The following ADAMTS17 variants were observed in gnomAD, a reference collection of about 807,000 sequenced individuals.
ADAMTS17 encodes the protein A disintegrin and metalloproteinase with thrombospondin motifs 17.
A neutral mutation model predicts 141.5 loss-of-function variants in ADAMTS17; 113 were observed. The ratio of observed to expected loss-of-function variants is 0.80; its 90% CI spans 0.69 to 0.93. The LOEUF (loss-of-function observed/expected upper bound fraction) is 0.93, where lower values mean the gene tolerates loss of function less well. Among genes scored for constraint, ADAMTS17 ranks in the 40% least tolerant of loss-of-function variants. ADAMTS17 has a pLI of 0.00. For missense variants in ADAMTS17, 1,659 were observed against 1,517.9 expected (o/e 1.09, Z -1.54); for synonymous variants, 768 against 630.6 (o/e 1.22, Z -3.27).
At position 99,971,644 on chromosome 15, in the gene ADAMTS17, T is replaced by A. The variant is rs2060206254; in HGVS notation, c.*2758A>T. The A allele has an allele frequency of 1.3e-5, 2 of 152,190 alleles. No homozygotes were observed. The highest frequency in any genetic ancestry group is 2.4e-5 in the African/African-American group (1 of 41,440). The allele number at this position is 152,190 out of a possible 1,614,324, so 9.4% of individuals were successfully genotyped here. On this transcript the variant is annotated 3_prime_UTR_variant, in exon 22 of 22. Transcript: ENST00000268070. The stretch of plus-strand genomic sequence containing the variant: ...AATGGAAAATAGATACATTTGACTC[T>A]GAAACGAAAAAAGGACAATCGTATT...
intron 8 of ADAMTS17, among the ~76,000 whole-genome samples, chr15:100,198,782 G>T (rs577280260): frequency 6.6e-6 from 1 of 152,122 alleles, no homozygotes; most frequent in Non-Finnish European, 1.5e-5. Flanking sequence ...AGGTTGCCTC[G>T]GACTCTCCTT....
intron 2 of ADAMTS17, among the ~76,000 whole-genome samples, chr15:100,332,594 C>G (rs967099614): frequency 6.6e-6 from 1 of 152,166 alleles, no homozygotes; most frequent in African/African-American, 2.4e-5. Context: ...TCACAAACCC[C>G]GGCATAAAAA....
chr15:100,207,096 G>A (rs1390679146), intron 7 of ADAMTS17, among the ~76,000 whole-genome samples: 1 of 152,210 alleles, frequency 6.6e-6, no homozygotes, highest in Non-Finnish European at 1.5e-5. Flanking sequence ...TGGAGACAGG[G>A]CCTTCAGGGA....
intron 15 of ADAMTS17, among the ~76,000 whole-genome samples, chr15:100,073,147 C>A (rs34579038): frequency 0.041 from 6,241 of 152,094 alleles, 433 homozygotes; most frequent in African/African-American, 0.14. Context: ...ATGCAGCCAA[C>A]AGACACGTGA....
chr15:100,309,821 T>C (rs2045346413), intron 3 of ADAMTS17, among the ~76,000 whole-genome samples: 1 of 152,188 alleles, frequency 6.6e-6, no homozygotes, highest in African/African-American at 2.4e-5. Context: ...AAGCCTGTTC[T>C]GGGCACTCTC....
intron 8 of ADAMTS17, among the ~76,000 whole-genome samples, chr15:100,162,412 GTATA>G (rs927329741): frequency 1.4e-5 from 2 of 143,636 alleles, no homozygotes; most frequent in African/African-American, 5.1e-5. Context: ...GTATATATGT[GTATA>G]TATAACTATA....
At chr15:100,144,095 T>G (rs2038784314) in intron 10 of ADAMTS17, among the ~76,000 whole-genome samples, 1 of 152,230 alleles carries the variant, frequency 6.6e-6, no homozygotes, top group Non-Finnish European at 1.5e-5. Context: ...GGAAGTGTTT[T>G]CAAAATATAA....
intron 2 of ADAMTS17, among the ~76,000 whole-genome samples, chr15:100,339,332 C>T (rs2046296159): frequency 1.3e-5 from 2 of 152,204 alleles, no homozygotes; most frequent in Admixed American, 6.5e-5. Flanking sequence ...GGAAACTTTA[C>T]ACCAAGAAGT....
At chr15:100,136,978 C>G (rs548263782) in intron 10 of ADAMTS17, among the ~76,000 whole-genome samples, 136 of 152,278 alleles carry the variant, frequency 8.9e-4, no homozygotes, top group Middle Eastern at 6.8e-3. Flanking sequence ...GATGCTGATA[C>G]AGACACAAGG....
At chr15:100,251,833 G>C (rs574781195) in intron 7 of ADAMTS17, among the ~76,000 whole-genome samples, 59 of 152,344 alleles carry the variant, frequency 3.9e-4, no homozygotes, top group African/African-American at 1.3e-3. Context: ...AGAGAGAACA[G>C]GCAGGTGCGC....
intron 18 of ADAMTS17, among the ~76,000 whole-genome samples, chr15:100,022,031 A>C (rs78381632): frequency 1.3e-5 from 2 of 152,032 alleles, no homozygotes; most frequent in Non-Finnish European, 2.9e-5. Flanking sequence ...TGCTCCTAGG[A>C]GTCAAGAGGC....
At chr15:100,283,166 T>C (rs1281397550) in intron 3 of ADAMTS17, among the ~76,000 whole-genome samples, 3 of 152,254 alleles carry the variant, frequency 2.0e-5, no homozygotes, top group Non-Finnish European at 4.4e-5. Flanking sequence ...ATCACAAAAC[T>C]GCAAAATGAA....
chr15:100,203,305 G>T (rs574392434), intron 7 of ADAMTS17, among the ~76,000 whole-genome samples: 1 of 152,214 alleles, frequency 6.6e-6, no homozygotes, highest in Non-Finnish European at 1.5e-5. Flanking sequence ...AGGTGCGGTG[G>T]CTCATGCCTG....
intron 3 of ADAMTS17, among the ~76,000 whole-genome samples, chr15:100,329,259 C>A (rs2141946302): frequency 6.6e-6 from 1 of 152,216 alleles, no homozygotes; most frequent in Middle Eastern, 3.4e-3. Context: ...CTGCAGGGGG[C>A]CAGGCATAGT....
chr15:100,005,516 G>C (rs1000559784), intron 18 of ADAMTS17, among the ~76,000 whole-genome samples: 4 of 152,038 alleles, frequency 2.6e-5, no homozygotes, highest in African/African-American at 9.7e-5. Flanking sequence ...CAGCAGTGGT[G>C]GGGGAGTGTT....
intron 10 of ADAMTS17, among the ~76,000 whole-genome samples, chr15:100,139,951 G>T (rs1420668892): frequency 1.3e-5 from 2 of 152,042 alleles, no homozygotes; most frequent in East Asian, 3.9e-4. Context: ...TAATTTCCTG[G>T]TTTTCATTAT....
At chr15:100,234,757 T>C (rs954782935) in intron 7 of ADAMTS17, among the ~76,000 whole-genome samples, 1 of 152,048 alleles carries the variant, frequency 6.6e-6, no homozygotes, top group Non-Finnish European at 1.5e-5. Context: ...CTCTGACTGC[T>C]GCCTCTCCGG....
At chr15:100,085,706 A>T (rs1266011545) in intron 15 of ADAMTS17, among the ~76,000 whole-genome samples, 1 of 150,546 alleles carries the variant, frequency 6.6e-6, no homozygotes, top group Non-Finnish European at 1.5e-5. Context: ...ATTCTTAAAG[A>T]AAAGAATTTT....
At chr15:100,310,226 G>A (rs1350927513) in intron 3 of ADAMTS17, among the ~76,000 whole-genome samples, 1 of 152,154 alleles carries the variant, frequency 6.6e-6, no homozygotes, top group Non-Finnish European at 1.5e-5. Flanking sequence ...GATACCCCCA[G>A]GGACAAAGCA....
Sources: allele counts gnomAD v4.1 joint callset (sites outside exome capture counted in the v4.1 genomes callset), GRCh38; gene constraint gnomAD v4.1.1; transcripts MANE v1.5; gene names NCBI Gene and HGNC (gene_info 2026-07-23, HGNC 2026-07-21).